LRRC38: variants seen among roughly 807,000 people sequenced by gnomAD.
LRRC38 encodes the protein leucine-rich repeat-containing protein 38.
In LRRC38, 5 loss-of-function variants were observed where a neutral mutation model predicts 16.4. The observed-to-expected ratio is 0.31, with a 90% CI of 0.16 to 0.64. The LOEUF is 0.64. Ranked by LOEUF, LRRC38 falls within the 30% of genes least tolerant of loss-of-function variation. The probability of loss-of-function intolerance (pLI) is 0.80; values close to 1 mark genes in which losing one functional copy is unlikely to be tolerated. For synonymous variants in LRRC38, 191 were observed against 190.2 expected (o/e 1.00, Z -0.04); for missense variants, 341 against 401.8 (o/e 0.85, Z 1.29).
chr1:13,480,881 C>A (rs1638845493), intron 1 of LRRC38, among the ~76,000 whole-genome samples: 1 of 151,808 alleles, frequency 6.6e-6, no homozygotes, highest in African/African-American at 2.4e-5. Context: ...TGGTCTGGAA[C>A]TGCTGTCCTC....
chr1:13,489,057 T>C (rs1446912639), intron 1 of LRRC38, among the ~76,000 whole-genome samples: 1 of 152,182 alleles, frequency 6.6e-6, no homozygotes, highest in Non-Finnish European at 1.5e-5. Flanking sequence ...TCGTGGCTCA[T>C]CTACACAGTA....
At position 13,491,456 on chromosome 1, in the gene LRRC38, G is replaced by A. The variant is rs552335994; in HGVS notation, c.632-15357C>T. 4.6e-5 allele frequency among the ~76,000 whole-genome samples: 7 copies of A among 152,178 alleles called. No homozygotes were observed. In the East Asian group the frequency reaches 1.4e-3, roughly 29 times the overall value. On this transcript the variant is annotated intron_variant, in intron 1 of 1. Coordinates refer to ENST00000376085, the MANE Select transcript of LRRC38 (RefSeq NM_001010847.2). ...ATCCTCCCACCTCAGTCTCCCGAGT[G>A]ACTGGGATGACAGTCATGTGTGACC...
intron 1 of LRRC38, among the ~76,000 whole-genome samples, chr1:13,512,410 A>T (rs952228412): frequency 1.3e-5 from 2 of 152,162 alleles, no homozygotes; most frequent in African/African-American, 4.8e-5. Context: ...GAGAACTACA[A>T]ATCATTACTG....
intron 1 of LRRC38, among the ~76,000 whole-genome samples, chr1:13,486,052 T>C (rs10927711): frequency 0.3 from 45,994 of 152,002 alleles, 7,478 homozygotes; most frequent in African/African-American, 0.42. Flanking sequence ...GATTCTCCTG[T>C]CTCAGCCTCC....
intron 1 of LRRC38, among the ~76,000 whole-genome samples, chr1:13,498,399 A>G (rs1639108253): frequency 6.6e-6 from 1 of 152,146 alleles, no homozygotes; most frequent in Admixed American, 6.5e-5. Flanking sequence ...TGGGAGGCTG[A>G]GGCAGGGGGA....
intron 1 of LRRC38, among the ~76,000 whole-genome samples, chr1:13,483,722 C>T (rs1410690743): frequency 2.6e-5 from 4 of 152,142 alleles, no homozygotes; most frequent in South Asian, 4.1e-4. Context: ...AGTGCCTCCT[C>T]GAGATGATAC....
intron 1 of LRRC38, among the ~76,000 whole-genome samples, chr1:13,476,540 G>A (rs1638791829): frequency 6.6e-6 from 1 of 152,130 alleles, no homozygotes; most frequent in South Asian, 2.1e-4. Flanking sequence ...TGTTGGCCAG[G>A]CTGATCTTGA....
At chr1:13,492,297 C>CTT (rs1049772904) in intron 1 of LRRC38, among the ~76,000 whole-genome samples, 1 of 152,196 alleles carries the variant, frequency 6.6e-6, no homozygotes, top group Non-Finnish European at 1.5e-5. Flanking sequence ...AATTCCCTTG[C>CTT]TTTTTAAGGC....
intron 1 of LRRC38, among the ~76,000 whole-genome samples, chr1:13,491,678 T>C (rs113613285): frequency 8.7e-4 from 132 of 151,450 alleles, no homozygotes; most frequent in Non-Finnish European, 2.1e-4. Context: ...TTCTTTTCTC[T>C]CTTTTTTTTT....
chr1:13,513,210 C>CCCGG lies in LRRC38; in HGVS notation c.380_383dup (p.Leu130GlufsTer6). ...TAGCCAGGCTAAGCTTCACCAGCCT[C>CCCGG]CCGGCCGAGCGGAAGGCGCCGGCGC... is the stretch of plus-strand genomic sequence containing the variant. On this transcript the variant is annotated frameshift_variant, in exon 1 of 2. Coordinates refer to ENST00000376085, the MANE Select transcript of LRRC38 (RefSeq NM_001010847.2). LOFTEE classifies it high-confidence loss of function. The CCCGG allele has an allele frequency of 6.4e-7, 1 of 1,550,500 alleles. No homozygotes were observed. The highest frequency in any genetic ancestry group is 8.7e-7 in the Non-Finnish European group (1 of 1,146,954).
intron 1 of LRRC38, among the ~76,000 whole-genome samples, chr1:13,505,187 G>C (rs1639198747): frequency 6.6e-6 from 1 of 152,208 alleles, no homozygotes; most frequent in Admixed American, 6.5e-5. Context: ...GCTGTGCTTA[G>C]CAGAGGAGGG....
At chr1:13,492,013 G>A (rs370147124) in intron 1 of LRRC38, among the ~76,000 whole-genome samples, 8 of 152,090 alleles carry the variant, frequency 5.3e-5, no homozygotes, top group Admixed American at 3.3e-4. Flanking sequence ...TTTCTCTAGC[G>A]TTGTTACATT....
intron 1 of LRRC38, among the ~76,000 whole-genome samples, chr1:13,500,643 C>A (rs1055593892): frequency 1.3e-5 from 2 of 152,148 alleles, no homozygotes; most frequent in African/African-American, 4.8e-5. Flanking sequence ...ATGTATAAAA[C>A]CAAGCTGTGC....
intron 1 of LRRC38, among the ~76,000 whole-genome samples, chr1:13,503,931 G>A (rs1472823265): frequency 6.6e-6 from 1 of 152,198 alleles, no homozygotes; most frequent in East Asian, 1.9e-4. Flanking sequence ...GGACACCAGA[G>A]GACTCTTAAT....
intron 1 of LRRC38, among the ~76,000 whole-genome samples, chr1:13,490,409 T>C (rs1638995822): frequency 6.6e-6 from 1 of 152,184 alleles, no homozygotes; most frequent in Non-Finnish European, 1.5e-5. Flanking sequence ...TCCGCCTGCC[T>C]CAGCCTCCCA....
At chr1:13,499,510 C>T (rs950576345) in intron 1 of LRRC38, among the ~76,000 whole-genome samples, 3 of 152,238 alleles carry the variant, frequency 2.0e-5, no homozygotes, top group African/African-American at 7.2e-5. Context: ...GCATCCTTTT[C>T]CATTGCTCCT....
At chr1:13,512,570 C>A (rs748793976) in intron 1 of LRRC38, among the ~76,000 whole-genome samples, 1 of 152,092 alleles carries the variant, frequency 6.6e-6, no homozygotes, top group Non-Finnish European at 1.5e-5. Context: ...GCTGACTCCC[C>A]GTGCACGGTA....
chr1:13,509,791 T>C (rs756175418), intron 1 of LRRC38, among the ~76,000 whole-genome samples: 18 of 152,074 alleles, frequency 1.2e-4, no homozygotes, highest in Non-Finnish European at 1.9e-4. Context: ...AAGAGAAAAA[T>C]TGAAGGCACA....
At chr1:13,509,443 C>G (rs1043230179) in intron 1 of LRRC38, among the ~76,000 whole-genome samples, 8 of 152,306 alleles carry the variant, frequency 5.3e-5, no homozygotes, top group Admixed American at 5.2e-4. Context: ...CCTACCAAGC[C>G]TCATGCCCAC....
Sources: gnomAD v4.1 joint callset for allele counts (sites outside exome capture counted in the v4.1 genomes callset) on GRCh38, gnomAD v4.1.1 for gene constraint, MANE v1.5 for transcripts, NCBI Gene and HGNC (gene_info 2026-07-23, HGNC 2026-07-21) for gene names.